PTPN21: variants seen among roughly 807,000 people sequenced by gnomAD.
PTPN21 encodes tyrosine-protein phosphatase non-receptor type 21.
A neutral mutation model predicts 131.8 loss-of-function variants in PTPN21; 77 were observed. The observed-to-expected ratio is 0.58, with a 90% CI of 0.49 to 0.71. PTPN21 has a LOEUF of 0.71. Among genes scored for constraint, PTPN21 ranks in the 30% least tolerant of loss-of-function variants. The pLI is 0.00. For missense variants in PTPN21, 1,552 were observed against 1,527.1 expected (o/e 1.02, Z -0.27); for synonymous variants, 715 against 621.3 (o/e 1.15, Z -2.24).
Position 88,479,753 on chromosome 14 carries a change from T to C in PTPN21, c.1678A>G (p.Thr560Ala), listed in dbSNP as rs777000521. The C allele has an allele frequency of 9.7e-6, 15 of 1,543,228 alleles. No homozygotes were observed. The highest frequency in any genetic ancestry group is 1.0e-5 in the Non-Finnish European group (12 of 1,151,622). ...QDYPSPNIMRTQVYRPPPPYP... is the reference protein window; with the variant it reads ...QDYPSPNIMRAQVYRPPPPYP... ...GGTGGGGGTGGCCGGTACACCTGCG[T>C]CCGCATGATGTTGGGAGACGGGTAG... The change falls in exon 13 of 19, where the codon ACG becomes GCG. Residue 560 changes from threonine to alanine, a missense_variant. Physicochemically the swap from Thr to Ala is moderately conservative, Grantham distance 58 (BLOSUM62 0). Transcript: ENST00000556564.
chr14:88,552,520 T>C (rs763371761), intron 1 of PTPN21: 3 of 152,136 alleles, frequency 2.0e-5, no homozygotes, highest in Non-Finnish European at 2.9e-5. Context: ...ATCTGGCTAG[T>C]TTTTTTGTTT....
chr14:88,505,734 G>A (rs1484240647), intron 4 of PTPN21, among the ~76,000 whole-genome samples: 1 of 152,120 alleles, frequency 6.6e-6, no homozygotes, highest in Non-Finnish European at 1.5e-5. Flanking sequence ...GATGACCTCT[G>A]GGGAATAGAC....
chr14:88,475,131 A>C (rs1038380821), intron 13 of PTPN21, among the ~76,000 whole-genome samples: 2 of 152,048 alleles, frequency 1.3e-5, no homozygotes, highest in Non-Finnish European at 2.9e-5. Flanking sequence ...GATATACTAC[A>C]CTTCCTTGGA....
intron 2 of PTPN21, among the ~76,000 whole-genome samples, chr14:88,518,226 CAAAAAAAAA>C (rs1172099704): frequency 9.0e-4 from 10 of 11,066 alleles, no homozygotes; most frequent in African/African-American, 2.8e-3. Context: ...GAATCTACCT[CAAAAAAAAA>C]AAAAAAAAAA....
At position 88,479,019 on chromosome 14, in the gene PTPN21, T is replaced by G; in HGVS notation, c.2412A>C (p.Ser804=). ...PSMSESDLTT[S]GRYRARRDSL... is the part of the protein sequence containing the mutation. Reference sequence around the variant, plus strand: ...AGTCCCTCCGGGCTCGGTAGCGGCCTGACGTGGTGAGGTCGGACTCCGACA... The same window carrying G: ...AGTCCCTCCGGGCTCGGTAGCGGCCGGACGTGGTGAGGTCGGACTCCGACA... Residue 804 remains serine, a synonymous_variant, in exon 13 of 19, where the codon TCA becomes TCC. Coordinates refer to ENST00000556564, the MANE Select transcript of PTPN21 (RefSeq NM_007039.4). 6.2e-7 allele frequency: 1 copy of G among 1,605,728 alleles called. No individual in the cohort carries two copies.
chr14:88,493,650 G>A (rs1466917170), intron 10 of PTPN21, among the ~76,000 whole-genome samples: 1 of 152,196 alleles, frequency 6.6e-6, no homozygotes, highest in Non-Finnish European at 1.5e-5. Flanking sequence ...GATGAGATAG[G>A]GCGTGGGGGG....
chr14:88,491,466 T>C (rs1437826364), intron 10 of PTPN21, among the ~76,000 whole-genome samples: 1 of 152,172 alleles, frequency 6.6e-6, no homozygotes, highest in Non-Finnish European at 1.5e-5. Flanking sequence ...AGGGGCAGTT[T>C]TGTTAAATGC....
chr14:88,497,061 T>C (rs2077929049), intron 9 of PTPN21, 142 bp downstream of exon 9: 15 of 778,002 alleles, frequency 1.9e-5, no homozygotes, highest in Non-Finnish European at 2.9e-5. Context: ...AAATGCTATA[T>C]GATAAAACTG....
intron 2 of PTPN21, among the ~76,000 whole-genome samples, chr14:88,546,315 TG>T (rs1311132663): frequency 7.9e-5 from 12 of 151,658 alleles, no homozygotes; most frequent in African/African-American, 2.9e-4. Context: ...CCCAGCACTT[TG>T]GGAGGCCAAG....
intron 2 of PTPN21, among the ~76,000 whole-genome samples, chr14:88,549,184 G>A (rs1445004637): frequency 6.6e-6 from 1 of 152,192 alleles, no homozygotes; most frequent in Non-Finnish European, 1.5e-5. Flanking sequence ...CATGCCTATC[G>A]CGGGAGGATC....
At chr14:88,477,395 A>G (rs113893678) in intron 13 of PTPN21, among the ~76,000 whole-genome samples, 5,497 of 142,118 alleles carry the variant, frequency 0.039, 362 homozygotes, top group African/African-American at 0.14. Flanking sequence ...GTTGCAGTGA[A>G]CTGAGATCAC....
At chr14:88,496,785 T>A (rs546605041) in intron 9 of PTPN21, among the ~76,000 whole-genome samples, 125 of 152,346 alleles carry the variant, frequency 8.2e-4, no homozygotes, top group Non-Finnish European at 1.3e-3. Flanking sequence ...TCTTGCCAAA[T>A]ATACTCAAAG....
At chr14:88,517,532 A>G (rs2078292296) in intron 2 of PTPN21, among the ~76,000 whole-genome samples, 1 of 151,942 alleles carries the variant, frequency 6.6e-6, no homozygotes, top group Non-Finnish European at 1.5e-5. Flanking sequence ...TTCACGACCT[A>G]GACACTGGAA....
intron 10 of PTPN21, among the ~76,000 whole-genome samples, chr14:88,487,934 C>T (rs756976944): frequency 6.8e-6 from 1 of 146,742 alleles, no homozygotes; most frequent in Non-Finnish European, 1.5e-5. Flanking sequence ...CCACTGCACT[C>T]CAGCCTGGGC....
chr14:88,529,227 G>A (rs1446123286), intron 2 of PTPN21, among the ~76,000 whole-genome samples: 2 of 152,094 alleles, frequency 1.3e-5, no homozygotes, highest in African/African-American at 4.8e-5. Flanking sequence ...TGCATCTATT[G>A]AGATGATCAT....
At position 88,507,977 on chromosome 14, in the gene PTPN21, T is replaced by C; in HGVS notation, c.394A>G (p.Ser132Gly). ...GCTTGTTCTAAGGTACAAGGAATAC[T>C]TCCTTCCAAGATATCTTTCTTCAGT... is the stretch of plus-strand genomic sequence containing the variant. ...LQLKKDILEG[S>G]IPCTLEQAIQ... is the part of the protein sequence containing the mutation. Residue 132 changes from serine (S) to glycine (G), a missense_variant, in exon 4 of 19, where the codon AGT (serine) becomes GGT (glycine). Around this residue, in one of 4 missense-constraint regions of PTPN21, gnomAD observed 206 missense variants for 221.6 expected, o/e 0.93. Coordinates refer to ENST00000556564, the MANE Select transcript of PTPN21 (RefSeq NM_007039.4). The C allele has an allele frequency of 6.2e-7, 1 of 1,608,062 alleles. No homozygotes were observed. Among genetic ancestry groups the C allele is most frequent in the East Asian group, 2.2e-5 (1 of 44,802 alleles).
chr14:88,510,214 G>C (rs1183730264), intron 3 of PTPN21, among the ~76,000 whole-genome samples: 1 of 152,070 alleles, frequency 6.6e-6, no homozygotes, highest in African/African-American at 2.4e-5. Flanking sequence ...CAAAGTTTCT[G>C]TTTAAATGCT....
At chr14:88,483,635 CA>C (rs2077686356) in intron 12 of PTPN21, among the ~76,000 whole-genome samples, 1 of 152,156 alleles carries the variant, frequency 6.6e-6, no homozygotes, top group Non-Finnish European at 1.5e-5. Context: ...ACTCTCCAAA[CA>C]CACCCTGCTT....
At chr14:88,537,759 T>C (rs965715049) in intron 2 of PTPN21, among the ~76,000 whole-genome samples, 1 of 152,208 alleles carries the variant, frequency 6.6e-6, no homozygotes, top group African/African-American at 2.4e-5. Context: ...ATCATTAGGC[T>C]ATTTCATTGT....
Sources: allele counts gnomAD v4.1 joint callset (sites outside exome capture counted in the v4.1 genomes callset), GRCh38; gene constraint gnomAD v4.1.1; regional missense constraint gnomAD v4.1.1; transcripts MANE v1.5; gene names NCBI Gene and HGNC (gene_info 2026-07-23, HGNC 2026-07-21).